KMT2C: variants seen among roughly 807,000 people sequenced by gnomAD.
KMT2C encodes the protein lysine methyltransferase 2C.
A neutral mutation model predicts 507.9 loss-of-function variants in KMT2C; 88 were observed. The observed-to-expected ratio is 0.17, with a 90% CI of 0.15 to 0.21. The LOEUF (loss-of-function observed/expected upper bound fraction) is 0.21. Among genes scored for constraint, KMT2C ranks in the 10% least tolerant of loss-of-function variants. KMT2C has a pLI of 1.00. For synonymous variants in KMT2C, 2,049 were observed against 2,080.8 expected, an observed-to-expected ratio of 0.98 and a Z score of 0.42; for missense variants, 4,954 against 5,957.8, an observed-to-expected ratio of 0.83 and a Z score of 5.55.
rs2092520308 is a variant in KMT2C at position 152,162,697 on chromosome 7, G to A, written c.10880C>T (p.Ser3627Leu). The change falls in exon 43 of 59, where the codon TCA (serine) becomes TTA (leucine). Residue 3627 changes from serine (S) to leucine (L), a missense_variant. Ser to Leu is a moderately radical substitution (Grantham distance 145, BLOSUM62 -2). This residue lies in a region of KMT2C where 801 missense variants were observed against 751.2 expected (regional missense o/e 1.07). Coordinates refer to ENST00000262189, the MANE Select transcript of KMT2C (RefSeq NM_170606.3). Reference sequence around the variant, plus strand: ...TGGAGTCGGTGGGGCAGTTATATCTGAATGGGGAGTTGATGGAGCCTTGGT... The same window carrying A: ...TGGAGTCGGTGGGGCAGTTATATCTAAATGGGGAGTTGATGGAGCCTTGGT... ...ESTKAPSTPH[S>L]DITAPPTPGI... is the part of the protein sequence containing the mutation. 1 of 1,614,228 alleles carries A rather than the reference G, an allele frequency of 6.2e-7. No homozygotes were observed. Among genetic ancestry groups the A allele is most frequent in the East Asian group, 2.2e-5 (1 of 44,890 alleles).
intron 11 of KMT2C, 44 bp downstream of exon 11, chr7:152,251,895 T>C (rs765961536): frequency 3.3e-6 from 5 of 1,493,014 alleles, no homozygotes; most frequent in African/African-American, 1.4e-5. Context: ...TGGCACAACA[T>C]TACAAAAACA....
chr7:152,352,326 G>A (rs529448418), intron 2 of KMT2C, among the ~76,000 whole-genome samples: 8 of 152,230 alleles, frequency 5.3e-5, no homozygotes, highest in East Asian at 3.9e-4. Flanking sequence ...ATGCGTGCCC[G>A]AAACTTCATT....
chr7:152,323,533 G>C (rs2096790505), intron 3 of KMT2C, among the ~76,000 whole-genome samples: 1 of 151,326 alleles, frequency 6.6e-6, no homozygotes, highest in Admixed American at 6.6e-5. Context: ...CCAGCCACTT[G>C]GAGGCTGTGG....
intron 23 of KMT2C, among the ~76,000 whole-genome samples, chr7:152,207,775 A>T (rs1343566033): frequency 6.6e-6 from 1 of 152,208 alleles, no homozygotes; most frequent in African/African-American, 2.4e-5. Context: ...AACCACAGCT[A>T]TAATTGAATA....
intron 6 of KMT2C, among the ~76,000 whole-genome samples, chr7:152,306,009 A>C (rs1261812357): frequency 6.6e-6 from 1 of 152,198 alleles, no homozygotes; most frequent in Non-Finnish European, 1.5e-5. Flanking sequence ...ATTAACTCAT[A>C]CATATGCACA....
chr7:152,213,329 T>C (rs901629059), intron 23 of KMT2C, among the ~76,000 whole-genome samples: 7 of 152,296 alleles, frequency 4.6e-5, no homozygotes, highest in East Asian at 3.9e-4. Flanking sequence ...TACAAAGTGA[T>C]AGTTAACAAA....
intron 1 of KMT2C, chr7:152,368,418 G>A: frequency 8.8e-7 from 1 of 1,141,332 alleles, no homozygotes; most frequent in Non-Finnish European, 1.3e-6. Context: ...TAGAGATGGA[G>A]ATGGAGCAGG....
At position 152,144,660 on chromosome 7, in the gene KMT2C, T is replaced by C. The variant is rs746104127; in HGVS notation, c.14343+53A>G. 7 of 1,541,098 alleles carry C rather than the reference T, an allele frequency of 4.5e-6. No individual in the cohort carries two copies. The highest frequency in any genetic ancestry group is 2.7e-5 in the African/African-American group (2 of 73,674). ...CATACTGGACATCAATAGCTTCAGA[T>C]TGCTAGACTCCACCCTGTCTCTCCA... On this transcript the variant is annotated intron_variant, in intron 55 of 58. Coordinates refer to ENST00000262189, the MANE Select transcript of KMT2C (RefSeq NM_170606.3). This position sits in a 1 kb window ranked among gnomAD's most constrained non-coding sequence, Gnocchi z 4.4.
chr7:152,182,431 A>C lies in KMT2C; in HGVS notation c.5429T>G (p.Leu1810Trp), dbSNP rs1252594627. 1 of 1,613,980 alleles carries C rather than the reference A, an allele frequency of 6.2e-7. No homozygotes were observed. The highest frequency in any genetic ancestry group is 1.1e-5 in the South Asian group (1 of 91,054). The change falls in exon 36 of 59, where the codon TTG becomes TGG. Residue 1810 changes from leucine to tryptophan, a missense_variant. By Grantham distance (61) the Leu-to-Trp change is moderately conservative. This residue lies in a region of KMT2C where 1,689 missense variants were observed against 1,654.3 expected (regional missense o/e 1.02). Transcript: ENST00000262189. ...ATTTCCATTGCCAGGCTGAGGTGTC[A>C]AGGGACTCTGTATCCCACTACTTGG... ...DTPSSGIQSP[L>W]TPQPGNGNMS... is the part of the protein sequence containing the mutation.
rs2089790858 is a variant in KMT2C, at chr7:152,135,349, A to T, written c.*1483T>A. The stretch of plus-strand genomic sequence containing the variant: ...ATTTTAAGTACAAAATAAAAAGCTA[A>T]CCTGGTTCAAAATGCTGATTAAGTT... On this transcript the variant is annotated 3_prime_UTR_variant, in exon 59 of 59. Transcript: ENST00000262189. 1 of 216,178 alleles carries T rather than the reference A, an allele frequency of 4.6e-6. No homozygotes were observed. Among genetic ancestry groups the T allele is most frequent in the African/African-American group, 2.3e-5 (1 of 44,414 alleles). The allele number at this position is 216,178 out of a possible 1,614,324, so 13.4% of individuals were successfully genotyped here.
At chr7:152,350,897 C>CA (rs577857143) in intron 2 of KMT2C, among the ~76,000 whole-genome samples, 21 of 151,944 alleles carry the variant, frequency 1.4e-4, no homozygotes, top group African/African-American at 2.4e-4. Flanking sequence ...TACAGCTATA[C>CA]AAAAAAAATC....
At position 152,217,440 on chromosome 7, in the gene KMT2C, T is replaced by A. The variant is rs189023431; in HGVS notation, c.3712+3083A>T. ...AAATGTTGTCCAAGTAACATGCACT[T>A]ATTTTATCCCTAGGAATGTACCTTT... On this transcript the variant is annotated intron_variant, in intron 23 of 58. Transcript: ENST00000262189. Among the ~76,000 whole-genome samples, 256 of 152,328 alleles carry A rather than the reference T, an allele frequency of 1.7e-3. 1 individual carries two copies. Among genetic ancestry groups the A allele is most frequent in the African/African-American group, 5.8e-3 (242 of 41,554 alleles).
intron 37 of KMT2C, among the ~76,000 whole-genome samples, chr7:152,178,504 T>C (rs2093310816): frequency 2.0e-5 from 3 of 152,148 alleles, no homozygotes; most frequent in Admixed American, 2.0e-4. Flanking sequence ...AGAATAAACT[T>C]AGAGAAAAGG....
intron 6 of KMT2C, among the ~76,000 whole-genome samples, chr7:152,302,207 T>C (rs1390114197): frequency 6.6e-6 from 1 of 152,042 alleles, no homozygotes; most frequent in Non-Finnish European, 1.5e-5. Context: ...ACAACAGAAG[T>C]ATTTTTTTAA....
intron 6 of KMT2C, among the ~76,000 whole-genome samples, chr7:152,301,295 G>A (rs1288972904): frequency 6.6e-6 from 1 of 151,774 alleles, no homozygotes; most frequent in East Asian, 1.9e-4. Flanking sequence ...ACAAGGTCAG[G>A]AGTTCGAGAC....
intron 2 of KMT2C, among the ~76,000 whole-genome samples, chr7:152,351,182 T>TAC (rs1246416769): frequency 2.0e-5 from 3 of 152,160 alleles, no homozygotes; most frequent in Non-Finnish European, 4.4e-5. Flanking sequence ...AGAAAAGGGG[T>TAC]ACACTCCAAA....
chr7:152,386,180 G>A (rs2097424111), intron 1 of KMT2C, among the ~76,000 whole-genome samples: 1 of 150,830 alleles, frequency 6.6e-6, no homozygotes, highest in Non-Finnish European at 1.5e-5. Flanking sequence ...GACTCACTCT[G>A]AGCCTTAGCT....
chr7:152,165,987 C>A (rs1273498896), intron 42 of KMT2C, among the ~76,000 whole-genome samples: 1 of 152,114 alleles, frequency 6.6e-6, no homozygotes, highest in African/African-American at 2.4e-5. Flanking sequence ...CGTGCCTGGC[C>A]ACGTGTACAC....
intron 1 of KMT2C, among the ~76,000 whole-genome samples, chr7:152,375,160 A>G (rs1295846051): frequency 6.6e-6 from 1 of 152,152 alleles, no homozygotes; most frequent in Non-Finnish European, 1.5e-5. Flanking sequence ...CTCCTGCCTC[A>G]GCCTCATGAG....
Sources: gnomAD v4.1 joint callset for allele counts (sites outside exome capture counted in the v4.1 genomes callset) on GRCh38, gnomAD v4.1.1 for gene constraint, gnomAD v4.1.1 regional missense constraint, Gnocchi (gnomAD v3.1) non-coding constraint, MANE v1.5 for transcripts, NCBI Gene and HGNC (gene_info 2026-07-23, HGNC 2026-07-21) for gene names.